The following THSD7B variants were observed in gnomAD, a reference collection of about 807,000 sequenced individuals.
The protein encoded by THSD7B is thrombospondin type 1 domain containing 7B, also known as thrombospondin type-1 domain-containing protein 7B.
In THSD7B, 138 loss-of-function variants were observed where a neutral mutation model predicts 213.6. The observed-to-expected ratio is 0.65, with a 90% CI of 0.56 to 0.74. THSD7B has a LOEUF of 0.74. Among genes scored for constraint, THSD7B ranks in the 30% least tolerant of loss-of-function variants. The pLI, the probability that THSD7B is intolerant of heterozygous loss-of-function variation, is 0.00. For synonymous variants in THSD7B, 742 were observed against 687.0 expected, an observed-to-expected ratio of 1.08 and a Z score of -1.25; for missense variants, 1,931 against 1,991.5, an observed-to-expected ratio of 0.97 and a Z score of 0.58.
chr2:137,157,373 G>A (rs1411320364), intron 5 of THSD7B, among the ~76,000 whole-genome samples: 2 of 152,160 alleles, frequency 1.3e-5, no homozygotes, highest in African/African-American at 4.8e-5. Flanking sequence ...TATACCTTGG[G>A]GGATACCTGA....
chr2:137,515,371 CT>C (rs1680048436), intron 15 of THSD7B, among the ~76,000 whole-genome samples: 1 of 152,146 alleles, frequency 6.6e-6, no homozygotes, highest in Admixed American at 6.5e-5. Flanking sequence ...ATGGCCTCCC[CT>C]GAGGCAGTTG....
chr2:136,914,826 A>G (rs2105027574), intron 2 of THSD7B, among the ~76,000 whole-genome samples: 1 of 152,288 alleles, frequency 6.6e-6, no homozygotes, highest in East Asian at 1.9e-4. Flanking sequence ...AATACACTGC[A>G]TCATAAGACA....
intron 15 of THSD7B, among the ~76,000 whole-genome samples, chr2:137,516,945 G>C (rs928391169): frequency 2.0e-5 from 3 of 152,226 alleles, no homozygotes; most frequent in African/African-American, 2.4e-5. Context: ...TCTCCTATTT[G>C]AGCTGTGCAG....
At position 137,656,961 on chromosome 2, in the gene THSD7B, C is replaced by T; in HGVS notation, c.4271C>T (p.Pro1424Leu). Reference sequence around the variant, plus strand: ...CCCCAACAGGTTCTAGAAACACGCCCTTGTACAGGTACCAAGAGCACTTTT... The same window carrying T: ...CCCCAACAGGTTCTAGAAACACGCCTTTGTACAGGTACCAAGAGCACTTTT... ...SCPQQVLETR[P>L]CTGGKCYHYT... The change falls in exon 23 of 28, where the codon CCT becomes CTT. Residue 1424 changes from proline to leucine, a missense_variant. Coordinates refer to ENST00000409968, the MANE Select transcript of THSD7B (RefSeq NM_001316349.2). 6.2e-7 allele frequency: 1 copy of T among 1,613,884 alleles called. No individual in the cohort carries two copies. Among genetic ancestry groups the T allele is most frequent in the Non-Finnish European group, 8.5e-7 (1 of 1,179,804 alleles).
intron 10 of THSD7B, among the ~76,000 whole-genome samples, chr2:137,246,106 A>T (rs1474995264): frequency 6.6e-6 from 1 of 152,124 alleles, no homozygotes; most frequent in African/African-American, 2.4e-5. Context: ...ACAGGGTGGG[A>T]GGTGAAGGGG....
chr2:137,668,041 A>G (rs940587862), intron 27 of THSD7B, among the ~76,000 whole-genome samples, 180 bp downstream of exon 27: 1 of 152,202 alleles, frequency 6.6e-6, no homozygotes, highest in African/African-American at 2.4e-5. Context: ...TATTTGAGAT[A>G]ACATTTTTTA....
intron 14 of THSD7B, among the ~76,000 whole-genome samples, chr2:137,438,250 A>C (rs1290406066): frequency 2.0e-5 from 3 of 152,070 alleles, no homozygotes; most frequent in Non-Finnish European, 4.4e-5. Flanking sequence ...TAGGTCTTTA[A>C]ATTTCTAAGC....
chr2:137,038,295 T>A (rs1415779414), intron 2 of THSD7B, among the ~76,000 whole-genome samples: 1 of 152,192 alleles, frequency 6.6e-6, no homozygotes, highest in Non-Finnish European at 1.5e-5. Context: ...AACTTCTTCA[T>A]TCAAAATCAC....
chr2:137,554,487 T>C (rs1446052010), intron 15 of THSD7B, among the ~76,000 whole-genome samples: 1 of 152,148 alleles, frequency 6.6e-6, no homozygotes, highest in African/African-American at 2.4e-5. Context: ...CAGTATTATT[T>C]CAGGTATGAA....
intron 1 of THSD7B, among the ~76,000 whole-genome samples, chr2:136,849,420 G>A (rs1436785100): frequency 6.6e-6 from 1 of 152,082 alleles, no homozygotes; most frequent in Non-Finnish European, 1.5e-5. Flanking sequence ...TCTGTCCAAG[G>A]CACCATGTTG....
rs1301395187 is a variant in THSD7B, at chr2:137,160,385, C to G, written c.1525+17C>G. 6.2e-7 allele frequency: 1 copy of G among 1,609,576 alleles called. No individual in the cohort carries two copies. The highest frequency in any genetic ancestry group is 1.3e-5 in the African/African-American group (1 of 74,798). ...GGAAAAAAGGTGAGTGCCTTGTTTG[C>G]ATGCGCTTCATTTGCTGTCAGCGTA... On this transcript the variant is annotated intron_variant, in intron 6 of 27. Transcript: ENST00000409968.
chr2:137,470,437 AAAAC>A (rs1221932170), intron 15 of THSD7B, among the ~76,000 whole-genome samples: 4 of 152,250 alleles, frequency 2.6e-5, no homozygotes, highest in African/African-American at 7.2e-5. Flanking sequence ...CCCGTGGATG[AAAAC>A]AAACAAACAA....
chr2:137,480,004 G>A (rs186214848), intron 15 of THSD7B, among the ~76,000 whole-genome samples: 3 of 152,270 alleles, frequency 2.0e-5, no homozygotes, highest in Admixed American at 6.5e-5. Context: ...GACTTCTTGG[G>A]TCTTTCATTT....
At chr2:137,615,776 T>A (rs1475759355) in intron 17 of THSD7B, among the ~76,000 whole-genome samples, 1 of 152,180 alleles carries the variant, frequency 6.6e-6, no homozygotes, top group Non-Finnish European at 1.5e-5. Flanking sequence ...ATTATTTTTA[T>A]TGGTCTAGAC....
At chr2:137,039,737 G>T (rs756976666) in intron 2 of THSD7B, among the ~76,000 whole-genome samples, 4 of 152,216 alleles carry the variant, frequency 2.6e-5, no homozygotes, top group Non-Finnish European at 5.9e-5. Context: ...GCAAAATCAG[G>T]ATTTGGACTA....
chr2:137,388,292 T>C (rs1265148989), intron 12 of THSD7B, among the ~76,000 whole-genome samples: 2 of 152,130 alleles, frequency 1.3e-5, no homozygotes, highest in East Asian at 3.9e-4. Context: ...TACTCCCATT[T>C]CATAGATGAG....
intron 15 of THSD7B, among the ~76,000 whole-genome samples, chr2:137,482,143 G>A (rs1688323824): frequency 6.7e-6 from 1 of 149,172 alleles, no homozygotes; most frequent in South Asian, 2.1e-4. Flanking sequence ...TATTGCCACT[G>A]CATTCCAGCC....
At chr2:137,554,198 A>G (rs1378268109) in intron 15 of THSD7B, among the ~76,000 whole-genome samples, 1 of 152,026 alleles carries the variant, frequency 6.6e-6, no homozygotes, top group Non-Finnish European at 1.5e-5. Context: ...ATGGAGTGGG[A>G]CTGTTTTCTC....
At chr2:137,217,957 A>G (rs954064252) in intron 7 of THSD7B, among the ~76,000 whole-genome samples, 1 of 152,172 alleles carries the variant, frequency 6.6e-6, no homozygotes, top group Non-Finnish European at 1.5e-5. Context: ...AAATAACCTA[A>G]TAAGTGCAGT....
Sources: allele counts gnomAD v4.1 joint callset (sites outside exome capture counted in the v4.1 genomes callset), GRCh38; gene constraint gnomAD v4.1.1; transcripts MANE v1.5; gene names NCBI Gene and HGNC (gene_info 2026-07-23, HGNC 2026-07-21).